RANBP2: variants seen among roughly 807,000 people sequenced by gnomAD.
RANBP2 encodes the protein RAN binding protein 2, also known as E3 SUMO-protein ligase RanBP2.
In RANBP2, 57 loss-of-function variants were observed where a neutral mutation model predicts 303.6. That is an observed-to-expected ratio of 0.19 (90% CI 0.15 to 0.23). The LOEUF is 0.23. RANBP2 is among the 10% of genes least tolerant of loss of function. RANBP2 has a pLI of 1.00. For missense variants in RANBP2, 3,138 were observed against 3,780.8 expected (o/e 0.83, Z 4.46); for synonymous variants, 1,167 against 1,301.5 (o/e 0.90, Z 2.23).
chr2:109,585,341 A>C, the RANBP2 span: 15 of 1,569,076 alleles, frequency 9.6e-6, no homozygotes, highest in Admixed American at 1.7e-4. Flanking sequence ...ACAAAGGTAC[A>C]TCTTTATGGT....
At chr2:109,363,203 C>T in the RANBP2 span, among the ~76,000 whole-genome samples, 6 of 151,738 alleles carry the variant, frequency 4.0e-5, no homozygotes, top group South Asian at 1.2e-3. Flanking sequence ...TCTATTTTCT[C>T]TCCTTTATTA....
In RANBP2 at chr2:108,766,344, T is replaced by A. The variant is rs887289778; in HGVS notation, c.5805T>A (p.Gly1935=). The A allele has an allele frequency of 1.9e-6, 3 of 1,611,886 alleles. No homozygotes were observed. The highest frequency in any genetic ancestry group is 2.5e-6 in the Non-Finnish European group (3 of 1,179,866). The change falls in exon 20 of 29, where the codon GGT becomes GGA. Residue 1935 remains glycine, a synonymous_variant. Transcript: ENST00000283195. ...TTAGTGGCCAGAAGAATGGCCGTGG[T>A]GTGATTTTTGGCCAAACAAGTAGCA... ...QDISGQKNGR[G]VIFGQTSSTF... is the part of the protein sequence containing the mutation.
chr2:109,246,462 A>T, the RANBP2 span, among the ~76,000 whole-genome samples: 1 of 152,182 alleles, frequency 6.6e-6, no homozygotes, highest in Non-Finnish European at 1.5e-5. Context: ...CTCAGCTCCT[A>T]ATAGCATTAC....
chr2:109,168,251 C>G, the RANBP2 span, among the ~76,000 whole-genome samples: 1 of 152,216 alleles, frequency 6.6e-6, no homozygotes, highest in African/African-American at 2.4e-5. Context: ...TATACATTTT[C>G]ACCACCTGAT....
chr2:109,410,348 G>A, the RANBP2 span, among the ~76,000 whole-genome samples: 2 of 152,232 alleles, frequency 1.3e-5, no homozygotes, highest in Admixed American at 1.3e-4. Context: ...CAGGAGCAAT[G>A]GAGCTTGCCT....
At chr2:109,025,589 C>T in the RANBP2 span, among the ~76,000 whole-genome samples, 2 of 152,020 alleles carry the variant, frequency 1.3e-5, no homozygotes, top group Non-Finnish European at 2.9e-5. Context: ...TGGCAGATCA[C>T]GAGGTCAGGA....
chr2:109,432,765 G>T, the RANBP2 span: 1 of 1,458,962 alleles, frequency 6.9e-7, no homozygotes, highest in Non-Finnish European at 9.1e-7. Context: ...TCTGTCAGCC[G>T]GGCCCAGAAG....
the RANBP2 span, among the ~76,000 whole-genome samples, chr2:109,427,587 C>T: frequency 1.8e-4 from 28 of 152,154 alleles, no homozygotes; most frequent in Non-Finnish European, 3.5e-4. Context: ...GTTCACACTT[C>T]GGGAGTCCCT....
At chr2:108,839,906 C>T in the RANBP2 span, among the ~76,000 whole-genome samples, 5 of 151,382 alleles carry the variant, frequency 3.3e-5, no homozygotes, top group African/African-American at 9.7e-5. Context: ...AGCAGTATGT[C>T]GAATATGATG....
At chr2:109,419,581 C>T in the RANBP2 span, 98 of 1,597,348 alleles carry the variant, frequency 6.1e-5, no homozygotes, top group Non-Finnish European at 7.9e-5. Context: ...GGCTGTCCCA[C>T]GGGCTGCCTC....
chr2:109,131,985 A>T, the RANBP2 span, among the ~76,000 whole-genome samples: 1 of 152,224 alleles, frequency 6.6e-6, no homozygotes, highest in Non-Finnish European at 1.5e-5. Flanking sequence ...AGTGGGAAGG[A>T]TTGTAATAGC....
the RANBP2 span, chr2:109,613,679 G>A: frequency 1.5e-6 from 1 of 667,018 alleles, no homozygotes; most frequent in Non-Finnish European, 2.1e-6. Context: ...GGCGGGCGGG[G>A]CCGGAGGGGG....
the RANBP2 span, among the ~76,000 whole-genome samples, chr2:109,396,435 C>T: frequency 3.3e-5 from 5 of 152,318 alleles, no homozygotes; most frequent in East Asian, 5.8e-4. Flanking sequence ...GTGCCTGGGC[C>T]GGGTCTGAAG....
the RANBP2 span, among the ~76,000 whole-genome samples, chr2:108,931,497 C>T: frequency 4.6e-5 from 7 of 152,214 alleles, no homozygotes; most frequent in Non-Finnish European, 7.3e-5. Flanking sequence ...GTTCTTCCCT[C>T]TCTCTGTTAA....
chr2:109,624,515 G>A, the RANBP2 span, among the ~76,000 whole-genome samples: 1 of 152,220 alleles, frequency 6.6e-6, no homozygotes, highest in African/African-American at 2.4e-5. Context: ...CTTGAGGTCT[G>A]CTTCTCTTTT....
At chr2:109,681,214 A>C in the RANBP2 span, among the ~76,000 whole-genome samples, 1 of 152,200 alleles carries the variant, frequency 6.6e-6, no homozygotes, top group Non-Finnish European at 1.5e-5. Context: ...AAGTTCAGAA[A>C]GAGGTAAAAC....
the RANBP2 span, among the ~76,000 whole-genome samples, chr2:109,560,779 C>A: frequency 6.6e-6 from 1 of 152,286 alleles, no homozygotes; most frequent in East Asian, 1.9e-4. Flanking sequence ...AACCATCCAC[C>A]TAGCCATGAA....
At chr2:109,509,850 T>C in the RANBP2 span, among the ~76,000 whole-genome samples, 1 of 152,244 alleles carries the variant, frequency 6.6e-6, no homozygotes, top group East Asian at 1.9e-4. Context: ...ATTCAGCCCA[T>C]GTGCCTGTGC....
the RANBP2 span, among the ~76,000 whole-genome samples, chr2:109,417,044 T>C: frequency 6.6e-6 from 1 of 152,192 alleles, no homozygotes; most frequent in African/African-American, 2.4e-5. Context: ...TGTCAGTGTG[T>C]CGAGCCTGTT....
Sources: gnomAD v4.1 joint callset for allele counts (sites outside exome capture counted in the v4.1 genomes callset) on GRCh38, gnomAD v4.1.1 for gene constraint, MANE v1.5 for transcripts, NCBI Gene and HGNC (gene_info 2026-07-23, HGNC 2026-07-21) for gene names.